Variants in ARL1 observed in about 807,000 individuals in gnomAD.
ARL1 encodes the protein ARF like GTPase 1, also known as ADP-ribosylation factor-like protein 1.
ARL1 carries 17 observed loss-of-function variants against 30.1 expected under a neutral mutation model. The ratio of observed to expected loss-of-function variants is 0.56; its 90% CI spans 0.39 to 0.85. The LOEUF (loss-of-function observed/expected upper bound fraction) is 0.85, where lower values mean the gene tolerates loss of function less well. Among genes scored for constraint, ARL1 ranks in the 40% least tolerant of loss-of-function variants. ARL1 has a pLI of 0.00. For missense variants in ARL1, 102 were observed against 212.6 expected (o/e 0.48, Z 3.24); for synonymous variants, 58 against 71.7 (o/e 0.81, Z 0.97).
At chr12:101,396,195 C>G (rs528875787) in intron 5 of ARL1, 36 of 660,356 alleles carry the variant, frequency 5.5e-5, no homozygotes, top group Non-Finnish European at 8.6e-5. Context: ...ATTTGCTTAT[C>G]TAAGTAACTG....
At chr12:101,403,182 T>A in intron 2 of ARL1, 1 of 503,914 alleles carries the variant, frequency 2.0e-6, no homozygotes, top group East Asian at 5.0e-5. Flanking sequence ...CCCACACATG[T>A]GCAGGTGTGT....
At position 101,393,456 on chromosome 12, in the gene ARL1, C is replaced by G. The variant is rs1362445769; in HGVS notation, c.*2184G>C. On this transcript the variant is annotated 3_prime_UTR_variant, in exon 6 of 6. Transcript: ENST00000261636. ...AGGAGTGGCCATTTGCACCTATGTT[C>G]TGATTTCAAGTTTGGTGTTTTACCC... is the stretch of plus-strand genomic sequence containing the variant. 3 of 152,128 alleles carry G rather than the reference C, an allele frequency of 2.0e-5. No homozygotes were observed. The highest frequency in any genetic ancestry group is 4.4e-5 in the Non-Finnish European group (3 of 68,014). The allele number at this position is 152,128 out of a possible 1,614,324, so 9.4% of individuals were successfully genotyped here.
At chr12:101,403,283 C>G (rs1871352589) in intron 2 of ARL1, 1 of 406,630 alleles carries the variant, frequency 2.5e-6, no homozygotes, top group African/African-American at 2.1e-5. Context: ...AATTTTAGCT[C>G]AAATAAATTA....
chr12:101,396,757 C>T (rs1871165030), intron 4 of ARL1, among the ~76,000 whole-genome samples, 180 bp from the exon 5 acceptor site: 1 of 152,028 alleles, frequency 6.6e-6, no homozygotes, highest in South Asian at 2.1e-4. Context: ...ATCCTACCTC[C>T]CAAATATGAT....
chr12:101,403,292 T>TA (rs1235046539), intron 2 of ARL1: 2 of 409,514 alleles, frequency 4.9e-6, no homozygotes, highest in Non-Finnish European at 4.7e-6. Context: ...TCAAATAAAT[T>TA]AAAAAAAGAA....
chr12:101,400,101 T>A (rs556575901), intron 4 of ARL1, among the ~76,000 whole-genome samples: 1 of 152,076 alleles, frequency 6.6e-6, no homozygotes, highest in African/African-American at 2.4e-5. Context: ...TTAATTTTCT[T>A]GTATTTTCAG....
intron 1 of ARL1, among the ~76,000 whole-genome samples, chr12:101,406,397 T>C (rs1399116760): frequency 1.3e-5 from 2 of 152,146 alleles, no homozygotes; most frequent in Non-Finnish European, 2.9e-5. Flanking sequence ...AGTACCACTA[T>C]AACCAACTTC....
chr12:101,404,071 T>C (rs1224413380), intron 2 of ARL1, among the ~76,000 whole-genome samples: 1 of 152,232 alleles, frequency 6.6e-6, no homozygotes, highest in Non-Finnish European at 1.5e-5. Context: ...GGCAAGTATG[T>C]CTATTACAAT....
Position 101,396,545 on chromosome 12 carries a change from C to T in ARL1, c.369G>A (p.Val123=). The T allele has an allele frequency of 2.5e-6, 4 of 1,613,922 alleles. No individual in the cohort carries two copies. Among genetic ancestry groups the T allele is most frequent in the Non-Finnish European group, 3.4e-6 (4 of 1,179,834 alleles). ...GTTCCATGTCCTGTTTATTTGCAAA[C>T]ACCACTAAAATGGCTTTTCTCAGCT... is the stretch of plus-strand genomic sequence containing the variant. ...EEELRKAILV[V]FANKQDMEQA... The change falls in exon 5 of 6, where the codon GTG becomes GTA. Residue 123 remains valine (V), a synonymous_variant. Transcript: ENST00000261636.
chr12:101,397,403 C>CA (rs1381255559), intron 4 of ARL1, among the ~76,000 whole-genome samples: 1 of 151,638 alleles, frequency 6.6e-6, no homozygotes, highest in African/African-American at 2.4e-5. Flanking sequence ...AAAAAACAAA[C>CA]AAAAAAGGAA....
At position 101,396,440 on chromosome 12, in the gene ARL1, C is replaced by T. The variant is rs1280135022; in HGVS notation, c.474G>A (p.Thr158=). 10 of 1,613,868 alleles carry T rather than the reference C, an allele frequency of 6.2e-6. No homozygotes were observed. The highest frequency in any genetic ancestry group is 4.4e-5 in the South Asian group (4 of 91,094). The change falls in exon 5 of 6, where the codon ACG becomes ACA. Residue 158 remains threonine, a synonymous_variant. Transcript: ENST00000261636. ...CAAGGCCGGTGCCTTTGGTTGCTGA[C>T]GTTTTGAATATCTGCCATTTTCGGT... ...LKDRKWQIFK[T]SATKGTGLDE...
Position 101,393,346 on chromosome 12 carries a change from C to G in ARL1, c.*2294G>C, listed in dbSNP as rs966328206. ...TTTTTAATGCAAGACACAACACAAT[C>G]ATAGGCCAGAGTTATAAAATACAAT... On this transcript the variant is annotated 3_prime_UTR_variant, in exon 6 of 6. Transcript: ENST00000261636. 6.6e-6 allele frequency: 1 copy of G among 151,862 alleles called. No homozygotes were observed. Among genetic ancestry groups the G allele is most frequent in the African/African-American group, 2.4e-5 (1 of 41,338 alleles). 9.4% of individuals were successfully genotyped at this position (151,862 alleles called of 1,614,324 possible).
At position 101,401,018 on chromosome 12, in the gene ARL1, T is replaced by C. The variant is rs199651698; in HGVS notation, c.336+44A>G. ...TTAATTATTCTTCAATGTAATAATA[T>C]GTAAATGACTGCCCCACATTTTAAA... On this transcript the variant is annotated intron_variant, in intron 4 of 5. Transcript: ENST00000261636. The C allele has an allele frequency of 2.0e-3, 2,591 of 1,265,926 alleles. 4 individuals carry two copies. Among genetic ancestry groups the C allele is most frequent in the Non-Finnish European group, 2.4e-3 (2,103 of 865,264 alleles). 78.4% of individuals were successfully genotyped at this position (1,265,926 alleles called of 1,614,324 possible).
chr12:101,403,405 G>GT (rs1462883837), intron 2 of ARL1: 3 of 241,464 alleles, frequency 1.2e-5, no homozygotes, highest in East Asian at 2.3e-4. Context: ...TTCGAAAGCT[G>GT]TATTTAGAAA....
At chr12:101,407,585 C>T (rs527544368) in intron 1 of ARL1, 57 bp downstream of exon 1, 1 of 1,604,148 alleles carries the variant, frequency 6.2e-7, no homozygotes, top group Non-Finnish European at 8.5e-7. Flanking sequence ...CTCTGCACCC[C>T]AGCCCTCGGC....
At chr12:101,402,999 A>G in intron 2 of ARL1, 53 bp from the exon 3 acceptor site, 1 of 1,190,470 alleles carries the variant, frequency 8.4e-7, no homozygotes, top group Non-Finnish European at 1.2e-6. Context: ...TTCCACCTTC[A>G]AAATATCCTA....
At chr12:101,401,386 C>T (rs1871300578) in intron 3 of ARL1, 1 of 371,530 alleles carries the variant, frequency 2.7e-6, no homozygotes, top group Admixed American at 4.4e-5. Flanking sequence ...TCTGTAATCC[C>T]AGCATTTTAG....
At chr12:101,406,007 T>C (rs768928432) in intron 1 of ARL1, 26 bp from the exon 2 acceptor site, 1 of 1,532,910 alleles carries the variant, frequency 6.5e-7, no homozygotes, top group East Asian at 2.4e-5. Flanking sequence ...AGAAAAAACA[T>C]ACACAATGTC....
intron 5 of ARL1, 137 bp downstream of exon 5, chr12:101,396,262 C>T (rs370117976): frequency 2.0e-5 from 22 of 1,119,970 alleles, no homozygotes; most frequent in East Asian, 7.1e-5. Context: ...TGAGAGAAAA[C>T]GCTTGAGGAA....
Sources: gnomAD v4.1 joint callset for allele counts (sites outside exome capture counted in the v4.1 genomes callset) on GRCh38, gnomAD v4.1.1 for gene constraint, MANE v1.5 for transcripts, NCBI Gene and HGNC (gene_info 2026-07-23, HGNC 2026-07-21) for gene names.